The following CUBN variants were observed in gnomAD, a reference collection of about 807,000 sequenced individuals.
CUBN encodes the protein cubilin, also known as 460 kDa receptor.
Under a neutral mutation model 405.3 loss-of-function variants are expected in CUBN, and 282 were observed. The observed-to-expected ratio is 0.70, with a 90% CI of 0.63 to 0.77. The LOEUF is 0.77. Ranked by LOEUF, CUBN falls within the 30% of genes least tolerant of loss-of-function variation. CUBN has a pLI of 0.00. For synonymous variants in CUBN, 1,684 were observed against 1,617.0 expected (o/e 1.04, Z -0.99); for missense variants, 4,514 against 4,475.2 (o/e 1.01, Z -0.25).
intron 17 of CUBN, among the ~76,000 whole-genome samples, chr10:17,076,947 G>C (rs1030402680): frequency 6.6e-6 from 1 of 152,158 alleles, no homozygotes; most frequent in Non-Finnish European, 1.5e-5. Context: ...TCTGGTTGTT[G>C]CTACTAATTG....
At chr10:16,909,639 T>G (rs532903941) in intron 48 of CUBN, among the ~76,000 whole-genome samples, 18 of 152,242 alleles carry the variant, frequency 1.2e-4, no homozygotes, top group Non-Finnish European at 2.4e-4. Context: ...CCTCTGAGTC[T>G]GCCTTTGGCA....
chr10:16,892,201 G>C (rs1841050290), intron 54 of CUBN, among the ~76,000 whole-genome samples: 1 of 152,132 alleles, frequency 6.6e-6, no homozygotes, highest in South Asian at 2.1e-4. Flanking sequence ...TTAAGCACTG[G>C]GTATCCAGCT....
chr10:17,035,001 G>C (rs912921013), intron 27 of CUBN, among the ~76,000 whole-genome samples: 17 of 151,544 alleles, frequency 1.1e-4, no homozygotes, highest in Admixed American at 4.6e-4. Context: ...CCTTAACTTA[G>C]AGCCTGTGAT....
intron 33 of CUBN, 98 bp downstream of exon 33, chr10:16,952,178 G>T: frequency 1.2e-6 from 1 of 836,894 alleles, no homozygotes; most frequent in Non-Finnish European, 2.1e-6. Context: ...GAAGGCCATC[G>T]ATTGTTAGCA....
chr10:17,116,994 TA>T (rs1305388438), intron 6 of CUBN, among the ~76,000 whole-genome samples: 1 of 152,194 alleles, frequency 6.6e-6, no homozygotes, highest in African/African-American at 2.4e-5. Context: ...TATATTTACA[TA>T]AAAGCTGATT....
chr10:17,086,893 T>C (rs1207870760), intron 15 of CUBN, among the ~76,000 whole-genome samples: 1 of 152,200 alleles, frequency 6.6e-6, no homozygotes, highest in Non-Finnish European at 1.5e-5. Flanking sequence ...GAAATGAATG[T>C]GTAGGAATTT....
chr10:16,918,834 T>C (rs749912307), intron 44 of CUBN, 34 bp from the exon 45 acceptor site: 1 of 1,579,742 alleles, frequency 6.3e-7, no homozygotes. Context: ...TAAATTTACA[T>C]GGTCAGATGC....
rs138044409 is a variant in CUBN, at chr10:17,109,663, T to C, written c.1088A>G (p.Asp363Gly). The part of the protein sequence containing the change: ...CSVSNGGCHP[D>G]ASCSSTLGSL... ...ACCTAGAGTTGAGGAGCATGAGGCA[T>C]CTGGGTGGCAGCCTCCATTACTGAC... is the stretch of plus-strand genomic sequence containing the variant. The change falls in exon 10 of 67, where the codon GAT becomes GGT. Residue 363 changes from aspartate (D) to glycine (G), a missense_variant. By Grantham distance (94) the Asp-to-Gly change is moderately conservative. Transcript: ENST00000377833. The C allele has an allele frequency of 2.9e-4, 465 of 1,613,848 alleles. 1 individual carries two copies. The African/African-American group carries it at 5.4e-3, about 19-fold the overall frequency.
At chr10:16,985,766 A>G (rs1311271982) in intron 29 of CUBN, among the ~76,000 whole-genome samples, 3 of 152,234 alleles carry the variant, frequency 2.0e-5, no homozygotes, top group Admixed American at 2.0e-4. Context: ...AGGTCCTGCG[A>G]CGGGGTGGTC....
Position 16,861,116 on chromosome 10 carries a change from G to A in CUBN, c.9454+8520C>T, listed in dbSNP as rs1244779423. 2.0e-5 allele frequency among the ~76,000 whole-genome samples: 3 copies of A among 151,564 alleles called. No homozygotes were observed. In the East Asian group the frequency reaches 5.8e-4, roughly 29 times the overall value. Reference sequence around the variant, plus strand: ...TGAAATGGGATGCACCTGTAACTTTGTGCATGTGTTTTATTTCTCCATAGA... The same window carrying A: ...TGAAATGGGATGCACCTGTAACTTTATGCATGTGTTTTATTTCTCCATAGA... On this transcript the variant is annotated intron_variant, in intron 59 of 66. Transcript: ENST00000377833.
At chr10:17,125,505 A>G (rs1253933080) in intron 4 of CUBN, among the ~76,000 whole-genome samples, 1 of 152,188 alleles carries the variant, frequency 6.6e-6, no homozygotes, top group Non-Finnish European at 1.5e-5. Flanking sequence ...GGCTCTGTCC[A>G]TCATAGAATG....
intron 41 of CUBN, among the ~76,000 whole-genome samples, chr10:16,927,825 G>A (rs1374433915): frequency 3.3e-5 from 5 of 152,212 alleles, no homozygotes; most frequent in Non-Finnish European, 4.4e-5. Context: ...GATATGAGCT[G>A]TGCTCTATCT....
intron 39 of CUBN, among the ~76,000 whole-genome samples, chr10:16,934,712 T>G (rs1842452855): frequency 6.6e-6 from 1 of 152,304 alleles, no homozygotes; most frequent in Non-Finnish European, 1.5e-5. Flanking sequence ...GCCAATGAAC[T>G]ATGAGCAAAA....
At chr10:16,970,449 G>A (rs899588245) in intron 31 of CUBN, among the ~76,000 whole-genome samples, 1 of 152,080 alleles carries the variant, frequency 6.6e-6, no homozygotes, top group Admixed American at 6.5e-5. Flanking sequence ...GGTGGCACAT[G>A]CCTGTAATCC....
intron 54 of CUBN, among the ~76,000 whole-genome samples, chr10:16,897,686 C>T (rs1841228256): frequency 6.6e-6 from 1 of 152,126 alleles, no homozygotes; most frequent in African/African-American, 2.4e-5. Context: ...AAGTGGCTTC[C>T]TGCGGGGGCT....
chr10:16,838,965 T>C (rs1839260255), intron 62 of CUBN, among the ~76,000 whole-genome samples: 1 of 152,178 alleles, frequency 6.6e-6, no homozygotes, highest in African/African-American at 2.4e-5. Flanking sequence ...TTATCTCTCT[T>C]ATATTACCAT....
intron 28 of CUBN, among the ~76,000 whole-genome samples, chr10:17,002,307 T>C (rs1235962372): frequency 6.6e-6 from 1 of 152,138 alleles, no homozygotes; most frequent in East Asian, 1.9e-4. Flanking sequence ...GCAAAGTACA[T>C]GCATTCCTCT....
intron 28 of CUBN, among the ~76,000 whole-genome samples, chr10:16,992,442 A>G (rs1299695938): frequency 1.3e-5 from 2 of 152,206 alleles, no homozygotes; most frequent in African/African-American, 4.8e-5. Context: ...TTATGAGTAA[A>G]CGTGCATTTT....
chr10:16,936,129 C>T (rs1842496986), intron 39 of CUBN, among the ~76,000 whole-genome samples: 1 of 151,930 alleles, frequency 6.6e-6, no homozygotes, highest in South Asian at 2.1e-4. Flanking sequence ...CTCTTCTTCA[C>T]CTGTCCACTT....
Sources: allele counts gnomAD v4.1 joint callset (sites outside exome capture counted in the v4.1 genomes callset), GRCh38; gene constraint gnomAD v4.1.1; transcripts MANE v1.5; gene names NCBI Gene and HGNC (gene_info 2026-07-23, HGNC 2026-07-21).